Variants in ARHGAP6 observed in about 807,000 individuals in gnomAD.
The protein encoded by ARHGAP6 is Rho GTPase activating protein 6.
ARHGAP6 carries 16 observed loss-of-function variants against 55.7 expected under a neutral mutation model. The observed-to-expected ratio is 0.29, with a 90% CI of 0.19 to 0.44. ARHGAP6 has a LOEUF of 0.44. ARHGAP6 is among the 20% of genes least tolerant of loss of function. The pLI, the probability that ARHGAP6 is intolerant of heterozygous loss-of-function variation, is 1.00. For synonymous variants in ARHGAP6, 382 were observed against 360.9 expected, an observed-to-expected ratio of 1.06 and a Z score of -0.66; for missense variants, 698 against 808.9, an observed-to-expected ratio of 0.86 and a Z score of 1.66.
chrX:11,274,099 G>A (rs781746528), intron 1 of ARHGAP6, among the ~76,000 whole-genome samples: 3 of 111,437 alleles, frequency 2.7e-5, no homozygotes, highest in African/African-American at 9.8e-5. Context: ...CTACTTTTCT[G>A]CACCTTGCTC....
intron 1 of ARHGAP6, among the ~76,000 whole-genome samples, chrX:11,584,486 C>G (rs1202198156): frequency 9.0e-6 from 1 of 111,549 alleles, no homozygotes; most frequent in African/African-American, 3.3e-5. Flanking sequence ...CCAAAGCATA[C>G]CTAATCCCTT....
intron 1 of ARHGAP6, among the ~76,000 whole-genome samples, chrX:11,603,818 A>G (rs1472646898): frequency 8.9e-6 from 1 of 112,290 alleles, no homozygotes; most frequent in Non-Finnish European, 1.9e-5. Context: ...CTCTGATTTA[A>G]CAAGATAAAA....
At chrX:11,542,072 C>G (rs1333433456) in intron 1 of ARHGAP6, among the ~76,000 whole-genome samples, 1 of 109,745 alleles carries the variant, frequency 9.1e-6, no homozygotes, top group African/African-American at 3.3e-5. Flanking sequence ...TTAGGCAAAG[C>G]CCTACTTTTT....
intron 1 of ARHGAP6, among the ~76,000 whole-genome samples, chrX:11,531,283 C>G (rs980987403): frequency 4.5e-5 from 5 of 111,409 alleles, no homozygotes; most frequent in Non-Finnish European, 3.8e-5. Context: ...TAATGCCCTT[C>G]GTATATATTG....
At chrX:11,144,312 A>G in intron 10 of ARHGAP6, 64 bp from the exon 11 acceptor site, 2 of 1,193,612 alleles carry the variant, frequency 1.7e-6, no homozygotes, top group Non-Finnish European at 2.3e-6. Context: ...GATTTAAACA[A>G]TATGGCTATT....
intron 6 of ARHGAP6, 143 bp downstream of exon 6, chrX:11,181,920 A>G: frequency 2.2e-6 from 1 of 458,882 alleles, no homozygotes; most frequent in Non-Finnish European, 3.6e-6. Flanking sequence ...TACCTCCTGG[A>G]ATTCAATTAT....
chrX:11,283,836 T>C (rs1241296455), intron 1 of ARHGAP6, among the ~76,000 whole-genome samples: 3 of 111,646 alleles, frequency 2.7e-5, no homozygotes, highest in East Asian at 2.8e-4. Context: ...CCAGGTACCA[T>C]GATTTTAGCC....
intron 1 of ARHGAP6, among the ~76,000 whole-genome samples, chrX:11,330,588 C>T (rs754990662): frequency 1.3e-4 from 14 of 110,971 alleles, no homozygotes; most frequent in South Asian, 3.8e-4. Flanking sequence ...TTACACATCC[C>T]GCAAATATTA....
At chrX:11,328,074 T>A (rs1027062650) in intron 1 of ARHGAP6, among the ~76,000 whole-genome samples, 1 of 112,581 alleles carries the variant, frequency 8.9e-6, no homozygotes, top group Admixed American at 9.4e-5. Context: ...ATAGTTCATA[T>A]TGAATCCTTC....
chrX:11,232,720 T>C (rs1484926598), intron 2 of ARHGAP6, among the ~76,000 whole-genome samples: 1 of 112,425 alleles, frequency 8.9e-6, no homozygotes, highest in Non-Finnish European at 1.9e-5. Context: ...CTACACTTTC[T>C]TTCCTCTATG....
At chrX:11,186,971 G>A (rs1319464669) in intron 4 of ARHGAP6, among the ~76,000 whole-genome samples, 2 of 111,245 alleles carry the variant, frequency 1.8e-5, no homozygotes, top group Non-Finnish European at 3.8e-5. Context: ...AGGAAAGGCA[G>A]CTGATGAAGG....
At chrX:11,282,549 A>T (rs918946993) in intron 1 of ARHGAP6, among the ~76,000 whole-genome samples, 9 of 112,461 alleles carry the variant, frequency 8.0e-5, no homozygotes, top group Non-Finnish European at 3.8e-5. Context: ...ACAACTTCTC[A>T]TATACAGTAA....
intron 2 of ARHGAP6, among the ~76,000 whole-genome samples, chrX:11,215,178 A>C (rs2046861997): frequency 8.9e-6 from 1 of 112,457 alleles, no homozygotes; most frequent in African/African-American, 3.2e-5. Context: ...GGGTCACCGG[A>C]GGTCCCCTGG....
At chrX:11,346,470 C>T (rs1033748651) in intron 1 of ARHGAP6, among the ~76,000 whole-genome samples, 28 of 111,426 alleles carry the variant, frequency 2.5e-4, no homozygotes, top group African/African-American at 8.8e-4. Context: ...GTAATCCCAG[C>T]ACTTTGGGAG....
chrX:11,231,025 G>A (rs2047124750), intron 2 of ARHGAP6, among the ~76,000 whole-genome samples: 1 of 111,408 alleles, frequency 9.0e-6, no homozygotes, highest in Non-Finnish European at 1.9e-5. Context: ...CATCTCTTGT[G>A]CTATAGCCCC....
Position 11,177,053 on chromosome X carries a change from TA to T in ARHGAP6, c.1629+1046del, listed in dbSNP as rs757041252. 3.7e-4 allele frequency among the ~76,000 whole-genome samples: 42 copies of T among 112,164 alleles called. No individual in the cohort carries two copies. The South Asian group carries it at 0.015, about 41-fold the overall frequency. On this transcript the variant is annotated intron_variant, in intron 8 of 12. Coordinates refer to ENST00000337414, the MANE Select transcript of ARHGAP6 (RefSeq NM_013427.3). ...AGCTGAGCTTTGTTTAACAAGAATT[TA>T]CAAAAAAGTTTCTGTGGTTAAGTAA...
At chrX:11,398,096 C>T (rs1018291694) in intron 1 of ARHGAP6, among the ~76,000 whole-genome samples, 1 of 110,376 alleles carries the variant, frequency 9.1e-6, no homozygotes, top group Non-Finnish European at 1.9e-5. Flanking sequence ...CATGGGCTTA[C>T]ACTACCTGGT....
In ARHGAP6 at chrX:11,143,992, T is replaced by G; in HGVS notation, c.2164A>C (p.Arg722=). ...SKSRESSPGP[R]LGKDLSEEPF... ...AGGCTCCAGTTACCTTTCCCAAGCC[T>G]TGGTCCAGGAGAACTTTCCCTTGAC... is the stretch of plus-strand genomic sequence containing the variant. Residue 722 remains arginine, a synonymous_variant, in exon 11 of 13, where the codon AGG becomes CGG. Coordinates refer to ENST00000337414, the MANE Select transcript of ARHGAP6 (RefSeq NM_013427.3). 1 of 1,211,830 alleles carries G rather than the reference T, an allele frequency of 8.3e-7. No homozygotes were observed. Among genetic ancestry groups the G allele is most frequent in the Non-Finnish European group, 1.1e-6 (1 of 895,479 alleles).
At chrX:11,475,790 T>TA (rs377288387) in intron 1 of ARHGAP6, among the ~76,000 whole-genome samples, 3,423 of 92,368 alleles carry the variant, frequency 0.037, 61 homozygotes, top group Middle Eastern at 0.082. Flanking sequence ...ATTGCTGAAG[T>TA]AAAAAAAAAA....
Sources: gnomAD v4.1 joint callset for allele counts (sites outside exome capture counted in the v4.1 genomes callset) on GRCh38, gnomAD v4.1.1 for gene constraint, MANE v1.5 for transcripts, NCBI Gene and HGNC (gene_info 2026-07-23, HGNC 2026-07-21) for gene names.